ARHGAP42: variants seen among roughly 807,000 people sequenced by gnomAD.
ARHGAP42 encodes the protein rho GTPase-activating protein 42.
In ARHGAP42, 63 loss-of-function variants were observed where a neutral mutation model predicts 125.0. The observed-to-expected ratio is 0.50, with a 90% CI of 0.41 to 0.62. The LOEUF is 0.62. ARHGAP42 is among the 20% of genes least tolerant of loss of function. ARHGAP42 has a pLI of 0.00. For synonymous variants in ARHGAP42, 339 were observed against 351.0 expected (o/e 0.97, Z 0.38); for missense variants, 766 against 1,024.2 (o/e 0.75, Z 3.44).
intron 17 of ARHGAP42, among the ~76,000 whole-genome samples, chr11:100,967,446 G>A (rs2509107): frequency 0.18 from 27,692 of 152,104 alleles, 3,413 homozygotes; most frequent in East Asian, 0.43. Context: ...AAAGGAAAAA[G>A]TGAAAGTTGA....
rs1292744887 is a variant in ARHGAP42 at position 100,933,200 on chromosome 11, A to G, written c.642A>G (p.Gly214=). 1.9e-6 allele frequency: 3 copies of G among 1,550,472 alleles called. No individual in the cohort carries two copies. Among genetic ancestry groups the G allele is most frequent in the Non-Finnish European group, 2.6e-6 (3 of 1,146,754 alleles). ...GCTTATTTACTTTTTACCATGAGGG[A>G]TATGAACTTGCCCAGGAATTTGCAC... ...LQGLFTFYHE[G]YELAQEFAPY... is the part of the protein sequence containing the mutation. Residue 214 remains glycine (G), a synonymous_variant, in exon 7 of 24, where the codon GGA becomes GGG. Coordinates refer to ENST00000298815, the MANE Select transcript of ARHGAP42 (RefSeq NM_152432.4).
At chr11:100,854,591 G>A (rs1412956725) in intron 3 of ARHGAP42, among the ~76,000 whole-genome samples, 2 of 152,116 alleles carry the variant, frequency 1.3e-5, no homozygotes, top group African/African-American at 2.4e-5. Context: ...AATGCAAGAC[G>A]TGCTCGTGTA....
chr11:100,900,044 C>T (rs1302273980), intron 4 of ARHGAP42, among the ~76,000 whole-genome samples: 2 of 152,128 alleles, frequency 1.3e-5, no homozygotes, highest in African/African-American at 2.4e-5. Context: ...GTGGCTCGTA[C>T]TGGTCGTTTC....
At chr11:100,697,700 G>A (rs1162742697) in intron 1 of ARHGAP42, among the ~76,000 whole-genome samples, 1 of 152,212 alleles carries the variant, frequency 6.6e-6, no homozygotes, top group Non-Finnish European at 1.5e-5. Context: ...GTGGACTGGA[G>A]TGATAAGGCA....
chr11:100,707,384 C>T (rs1861495693), intron 1 of ARHGAP42, among the ~76,000 whole-genome samples: 1 of 151,958 alleles, frequency 6.6e-6, no homozygotes, highest in African/African-American at 2.4e-5. Flanking sequence ...ATTTCAAGAG[C>T]CAAGTATATA....
At chr11:100,902,675 C>T (rs753350459) in intron 4 of ARHGAP42, among the ~76,000 whole-genome samples, 4 of 152,036 alleles carry the variant, frequency 2.6e-5, no homozygotes, top group Non-Finnish European at 4.4e-5. Flanking sequence ...TTCATGTGCT[C>T]AAGGCCTGGT....
At chr11:100,958,943 A>G (rs1485627958) in intron 12 of ARHGAP42, among the ~76,000 whole-genome samples, 1 of 151,512 alleles carries the variant, frequency 6.6e-6, no homozygotes, top group Non-Finnish European at 1.5e-5. Context: ...TTTTTGATAT[A>G]TATTTTTTTG....
chr11:100,848,372 T>C lies in ARHGAP42; in HGVS notation c.313-11182T>C, dbSNP rs571711876. Among the ~76,000 whole-genome samples the C allele has an allele frequency of 3.0e-4, 45 of 152,276 alleles. No individual in the cohort carries two copies. In the South Asian group the frequency reaches 8.9e-3, roughly 30 times the overall value. Reference sequence around the variant, plus strand: ...ACAAACCGGATGTGATTATCGACATTATGTTTTGTTGTTAGGATTCTGTGT... The same window carrying C: ...ACAAACCGGATGTGATTATCGACATCATGTTTTGTTGTTAGGATTCTGTGT... On this transcript the variant is annotated intron_variant, in intron 3 of 23. Coordinates refer to ENST00000298815, the MANE Select transcript of ARHGAP42 (RefSeq NM_152432.4).
chr11:100,817,951 G>C (rs946140157), intron 3 of ARHGAP42, among the ~76,000 whole-genome samples: 1 of 152,204 alleles, frequency 6.6e-6, no homozygotes. Context: ...CAGAGTTTTA[G>C]CTTGGCAAGT....
intron 1 of ARHGAP42, among the ~76,000 whole-genome samples, chr11:100,746,715 A>G (rs562133780): frequency 6.6e-6 from 1 of 152,290 alleles, no homozygotes; most frequent in East Asian, 1.9e-4. Context: ...CACCTTAAAG[A>G]AACCTATAGG....
chr11:100,823,726 T>G (rs1864451630), intron 3 of ARHGAP42, among the ~76,000 whole-genome samples: 1 of 152,216 alleles, frequency 6.6e-6, no homozygotes, highest in Admixed American at 6.5e-5. Flanking sequence ...TTTTGTTAAC[T>G]CTAAACTCGT....
chr11:100,922,935 G>A (rs190277932), intron 6 of ARHGAP42, among the ~76,000 whole-genome samples: 10 of 152,316 alleles, frequency 6.6e-5, no homozygotes, highest in Admixed American at 1.3e-4. Context: ...TAACTTTTAC[G>A]TTTTATTTAG....
chr11:100,826,065 G>GT (rs201860390), intron 3 of ARHGAP42, among the ~76,000 whole-genome samples: 6 of 151,822 alleles, frequency 4.0e-5, no homozygotes, highest in South Asian at 2.1e-4. Context: ...GTAAAATGCT[G>GT]TTTTTTTTCT....
At chr11:100,768,299 G>A (rs1862881140) in intron 1 of ARHGAP42, among the ~76,000 whole-genome samples, 1 of 145,194 alleles carries the variant, frequency 6.9e-6, no homozygotes, top group South Asian at 2.2e-4. Flanking sequence ...GCATTGGGTG[G>A]ATGGAAAATG....
At chr11:100,879,282 C>G (rs1180452226) in intron 4 of ARHGAP42, among the ~76,000 whole-genome samples, 2 of 152,130 alleles carry the variant, frequency 1.3e-5, no homozygotes, top group South Asian at 2.1e-4. Context: ...ATGTGGTCCT[C>G]TCTATTTGGG....
intron 1 of ARHGAP42, among the ~76,000 whole-genome samples, chr11:100,759,239 A>ACATCT (rs1328507733): frequency 6.6e-6 from 1 of 152,078 alleles, no homozygotes; most frequent in African/African-American, 2.4e-5. Flanking sequence ...CTGGCTCCTC[A>ACATCT]CATCTCATCG....
chr11:100,926,917 A>G (rs536297028), intron 6 of ARHGAP42, among the ~76,000 whole-genome samples: 5 of 152,332 alleles, frequency 3.3e-5, no homozygotes, highest in Admixed American at 2.0e-4. Context: ...AAGTTTTGTA[A>G]TAGCATTTTC....
At chr11:100,816,396 G>C (rs1230766301) in intron 3 of ARHGAP42, among the ~76,000 whole-genome samples, 1 of 152,078 alleles carries the variant, frequency 6.6e-6, no homozygotes, top group African/African-American at 2.4e-5. Flanking sequence ...CATGGTTGGG[G>C]TGGGTGGAGA....
intron 3 of ARHGAP42, among the ~76,000 whole-genome samples, chr11:100,815,501 G>A (rs1199505152): frequency 6.6e-6 from 1 of 152,106 alleles, no homozygotes; most frequent in Non-Finnish European, 1.5e-5. Flanking sequence ...CTAAATCTAA[G>A]CTATGTTTGT....
Sources: gnomAD v4.1 joint callset for allele counts (sites outside exome capture counted in the v4.1 genomes callset) on GRCh38, gnomAD v4.1.1 for gene constraint, MANE v1.5 for transcripts, NCBI Gene and HGNC (gene_info 2026-07-23, HGNC 2026-07-21) for gene names.